The following TENM2 variants were observed in gnomAD, a reference collection of about 807,000 sequenced individuals.
TENM2 encodes teneurin-2.
TENM2 carries 52 observed loss-of-function variants against 245.2 expected under a neutral mutation model. The observed-to-expected ratio is 0.21, with a 90% CI of 0.17 to 0.27. TENM2 has a LOEUF of 0.27. Ranked by LOEUF, TENM2 falls within the 10% of genes least tolerant of loss-of-function variation. The probability of loss-of-function intolerance (pLI) is 1.00; values close to 1 mark genes in which losing one functional copy is unlikely to be tolerated. For missense variants in TENM2, 3,046 were observed against 3,666.8 expected (o/e 0.83, Z 4.37); for synonymous variants, 1,363 against 1,438.9 (o/e 0.95, Z 1.19).
At chr5:167,186,737 A>G in the TENM2 span, among the ~76,000 whole-genome samples, 1 of 152,202 alleles carries the variant, frequency 6.6e-6, no homozygotes, top group Non-Finnish European at 1.5e-5. Flanking sequence ...CAAATCGACA[A>G]TCCAGCCCCT....
chr5:167,874,552 A>G (rs1224133472), intron 2 of TENM2, among the ~76,000 whole-genome samples: 2 of 152,058 alleles, frequency 1.3e-5, no homozygotes, highest in Admixed American at 6.6e-5. Flanking sequence ...TGCTTTCTCA[A>G]TGTTCTGTCC....
intron 4 of TENM2, among the ~76,000 whole-genome samples, chr5:167,964,181 T>A (rs906044256): frequency 6.6e-6 from 1 of 152,222 alleles, no homozygotes; most frequent in African/African-American, 2.4e-5. Flanking sequence ...AGGTGAGAAA[T>A]CTTCCCGGTC....
chr5:167,930,286 G>A (rs1451659367), intron 3 of TENM2, among the ~76,000 whole-genome samples: 1 of 151,866 alleles, frequency 6.6e-6, no homozygotes, highest in Non-Finnish European at 1.5e-5. Flanking sequence ...TTTTAATCAA[G>A]GTGCTTAGGG....
chr5:167,286,521 A>G (rs1390094131), intron 1 of TENM2, among the ~76,000 whole-genome samples: 1 of 152,252 alleles, frequency 6.6e-6, no homozygotes, highest in Non-Finnish European at 1.5e-5. Context: ...CATTTCCAAT[A>G]TAATAAAATT....
At chr5:167,695,435 AT>A (rs1185795468) in intron 2 of TENM2, among the ~76,000 whole-genome samples, 5 of 152,194 alleles carry the variant, frequency 3.3e-5, no homozygotes, top group African/African-American at 7.2e-5. Flanking sequence ...CATTAAAAAA[AT>A]ATAAAACTCC....
At chr5:167,195,488 TACTCA>T in the TENM2 span, among the ~76,000 whole-genome samples, 2 of 152,022 alleles carry the variant, frequency 1.3e-5, no homozygotes, top group African/African-American at 2.4e-5. Flanking sequence ...CTATCACAAC[TACTCA>T]ACTCAAGTTT....
At chr5:168,043,989 T>C (rs1788406838) in intron 5 of TENM2, among the ~76,000 whole-genome samples, 1 of 152,220 alleles carries the variant, frequency 6.6e-6, no homozygotes, top group Non-Finnish European at 1.5e-5. Flanking sequence ...TTCCTTCTGA[T>C]TCTGAAATCC....
chr5:167,729,574 A>C (rs916432446), intron 2 of TENM2, among the ~76,000 whole-genome samples: 1 of 151,802 alleles, frequency 6.6e-6, no homozygotes, highest in African/African-American at 2.4e-5. Context: ...GGGAAATGTC[A>C]ATTAATGAGA....
At chr5:167,844,454 C>G (rs186174518) in intron 2 of TENM2, among the ~76,000 whole-genome samples, 1 of 152,164 alleles carries the variant, frequency 6.6e-6, no homozygotes, top group East Asian at 1.9e-4. Context: ...CTGCAGGAAC[C>G]TTGTCATTTA....
At chr5:167,900,942 TG>T (rs926656435) in intron 3 of TENM2, among the ~76,000 whole-genome samples, 3 of 151,436 alleles carry the variant, frequency 2.0e-5, no homozygotes, top group Non-Finnish European at 2.9e-5. Flanking sequence ...TCCTGCGGGG[TG>T]GGGGACAGGA....
At position 168,255,597 on chromosome 5, in the gene TENM2, G is replaced by A. The variant is rs767015580; in HGVS notation, c.7433-4686G>A. ...TGGGATTACAGGCATGAGCCACCACGCCTGGCCTCATTAACAGTTCTAATC... is the reference window on the plus strand; with the variant it reads ...TGGGATTACAGGCATGAGCCACCACACCTGGCCTCATTAACAGTTCTAATC... On this transcript the variant is annotated intron_variant, in intron 27 of 28. Transcript: ENST00000518659. 9.1e-4 allele frequency among the ~76,000 whole-genome samples: 139 copies of A among 151,970 alleles called. 1 individual carries two copies. The highest frequency in any genetic ancestry group is 8.5e-4 in the Non-Finnish European group (58 of 67,984).
At chr5:167,552,098 T>C (rs1050216472) in intron 2 of TENM2, among the ~76,000 whole-genome samples, 6 of 152,212 alleles carry the variant, frequency 3.9e-5, no homozygotes, top group African/African-American at 1.4e-4. Context: ...AATTCTCAAG[T>C]GTCCTGAAAA....
At chr5:167,071,896 C>T in the TENM2 span, among the ~76,000 whole-genome samples, 14 of 137,700 alleles carry the variant, frequency 1.0e-4, no homozygotes, top group African/African-American at 3.6e-4. Context: ...CCGCCCCCAA[C>T]CCCCAACCGT....
chr5:167,506,919 A>G (rs1769595535), intron 2 of TENM2, among the ~76,000 whole-genome samples: 1 of 152,208 alleles, frequency 6.6e-6, no homozygotes, highest in Non-Finnish European at 1.5e-5. Flanking sequence ...AATTAAATAA[A>G]TCAATTTAAT....
At chr5:168,030,990 A>G (rs1332901131) in intron 5 of TENM2, among the ~76,000 whole-genome samples, 1 of 152,130 alleles carries the variant, frequency 6.6e-6, no homozygotes, top group African/African-American at 2.4e-5. Context: ...AGGTTGGTGG[A>G]AATCATTTAG....
chr5:168,223,069 C>T lies in TENM2; in HGVS notation c.5109-3019C>T, dbSNP rs916739386. On this transcript the variant is annotated intron_variant, in intron 23 of 28. Transcript: ENST00000518659. ...ATGCAGTCATTTGCAAAAAGACCTA[C>T]ATCTGAAGACGTTCCTTGGGGGAAG... Among the ~76,000 whole-genome samples, 5 of 152,262 alleles carry T rather than the reference C, an allele frequency of 3.3e-5. No homozygotes were observed. The East Asian group carries it at 9.6e-4, about 29-fold the overall frequency.
intron 5 of TENM2, among the ~76,000 whole-genome samples, chr5:167,996,400 A>T (rs758509046): frequency 6.6e-5 from 10 of 152,096 alleles, no homozygotes; most frequent in Non-Finnish European, 1.2e-4. Flanking sequence ...TGAATAAACC[A>T]CCAGGGGACC....
rs147647235 is a variant in TENM2, at chr5:167,602,604, G to T, written c.502+227131G>T. ...AGACTTGCTCAAGTCCATTGAAAAA[G>T]AAACTACTTCTTTGTGAATGCATTT... On this transcript the variant is annotated intron_variant, in intron 2 of 28. Transcript: ENST00000518659. Among the ~76,000 whole-genome samples, 1,286 of 152,268 alleles carry T rather than the reference G, an allele frequency of 8.4e-3. 18 individuals are homozygous for T. The highest frequency in any genetic ancestry group is 0.03 in the African/African-American group (1,227 of 41,536).
chr5:168,044,112 G>A (rs943780218), intron 5 of TENM2, among the ~76,000 whole-genome samples: 1 of 152,188 alleles, frequency 6.6e-6, no homozygotes, highest in East Asian at 1.9e-4. Flanking sequence ...ATGGTACCTG[G>A]CTATAGAAAA....
Sources: gnomAD v4.1 joint callset for allele counts (sites outside exome capture counted in the v4.1 genomes callset) on GRCh38, gnomAD v4.1.1 for gene constraint, MANE v1.5 for transcripts, NCBI Gene and HGNC (gene_info 2026-07-23, HGNC 2026-07-21) for gene names.